Variants in NUCB2 observed in about 807,000 individuals in gnomAD.
The protein encoded by NUCB2 is nucleobindin 2.
In NUCB2, 48 loss-of-function variants were observed where a neutral mutation model predicts 57.9. The observed-to-expected ratio is 0.83, with a 90% CI of 0.66 to 1.05. NUCB2 has a LOEUF of 1.05. NUCB2 is among the 50% of genes least tolerant of loss of function. NUCB2 has a pLI of 0.00. For missense variants in NUCB2, 442 were observed against 476.2 expected, an observed-to-expected ratio of 0.93 and a Z score of 0.67; for synonymous variants, 139 against 152.1, an observed-to-expected ratio of 0.91 and a Z score of 0.64.
chr11:17,331,043 C>T, intron 13 of NUCB2, 60 bp downstream of exon 13: 2 of 1,038,264 alleles, frequency 1.9e-6, no homozygotes, highest in South Asian at 1.5e-5. Flanking sequence ...AATTGAAATC[C>T]ACATTTATTA....
At chr11:17,292,155 A>AT (rs1279714233) in intron 2 of NUCB2, among the ~76,000 whole-genome samples, 2 of 152,016 alleles carry the variant, frequency 1.3e-5, no homozygotes, top group African/African-American at 2.4e-5. Context: ...CTTATTTAAA[A>AT]TTTTTTTTAT....
At chr11:17,328,919 G>A (rs901698804) in intron 11 of NUCB2, among the ~76,000 whole-genome samples, 3 of 152,174 alleles carry the variant, frequency 2.0e-5, no homozygotes, top group Admixed American at 6.5e-5. Context: ...TCACCCCGAA[G>A]CCAGCATGTC....
At chr11:17,313,282 C>G (rs1948775151) in intron 10 of NUCB2, among the ~76,000 whole-genome samples, 1 of 151,940 alleles carries the variant, frequency 6.6e-6, no homozygotes, top group South Asian at 2.1e-4. Flanking sequence ...ATAATCCCAG[C>G]ACTTTGGGAG....
chr11:17,308,296 C>G (rs1399138755), intron 5 of NUCB2, among the ~76,000 whole-genome samples: 3 of 152,126 alleles, frequency 2.0e-5, no homozygotes, highest in Non-Finnish European at 4.4e-5. Flanking sequence ...ACGCTCCTTG[C>G]TACTGGAGTG....
chr11:17,343,072 CTTCT>C (rs1331929622), intron 2 of NUCB2, among the ~76,000 whole-genome samples: 2 of 151,794 alleles, frequency 1.3e-5, no homozygotes, highest in Middle Eastern at 3.4e-3. Context: ...ATGTAATGGC[CTTCT>C]TTGTCTCTTT....
chr11:17,324,599 A>T (rs563964467), intron 11 of NUCB2, among the ~76,000 whole-genome samples: 57 of 151,948 alleles, frequency 3.8e-4, no homozygotes, highest in African/African-American at 1.4e-3. Context: ...ACGCCCAGCT[A>T]ACTTCTGTAT....
chr11:17,336,749 G>A (rs1308373638), downstream of NUCB2, among the ~76,000 whole-genome samples: 7 of 69,340 alleles, frequency 1.0e-4, no homozygotes, highest in Admixed American at 1.1e-3. Flanking sequence ...GCGAGACTCC[G>A]TCTCAAAAAA....
intron 10 of NUCB2, 151 bp downstream of exon 10, chr11:17,312,271 G>A (rs1428051185): frequency 3.7e-6 from 2 of 542,434 alleles, no homozygotes; most frequent in South Asian, 2.7e-5. Context: ...GTCTTACTCT[G>A]TTGCCCAGGC....
chr11:17,291,545 C>CAAAA lies in NUCB2; in HGVS notation c.1-3767_1-3764dup, dbSNP rs61660913. On this transcript the variant is annotated intron_variant, in intron 2 of 13. Coordinates refer to ENST00000529010, the MANE Select transcript of NUCB2 (RefSeq NM_005013.4). ...TGGGTGGCAGAGTAAGACTCTGCAT[C>CAAAA]AAAAAAAAAAAAAAATCAGTCTTTT... is the stretch of plus-strand genomic sequence containing the variant. Among the ~76,000 whole-genome samples, 11 of 52,206 alleles carry CAAAA rather than the reference C, an allele frequency of 2.1e-4. 1 individual carries two copies. Among genetic ancestry groups the CAAAA allele is most frequent in the African/African-American group, 5.5e-4 (8 of 14,534 alleles). 34.2% of individuals were successfully genotyped at this position (52,206 alleles called of 152,430 possible).
At chr11:17,334,923 GT>G (rs1951684167), downstream of NUCB2, among the ~76,000 whole-genome samples, 1 of 149,738 alleles carries the variant, frequency 6.7e-6, no homozygotes, top group African/African-American at 2.5e-5. Context: ...CACCTCACAA[GT>G]TTACATTGTT....
chr11:17,282,209 T>C (rs1450326446), intron 1 of NUCB2, among the ~76,000 whole-genome samples: 1 of 77,550 alleles, frequency 1.3e-5, no homozygotes, highest in East Asian at 8.8e-4. Context: ...TCTATATATC[T>C]ATATCTATAT....
chr11:17,323,496 A>G (rs183441583), intron 11 of NUCB2, among the ~76,000 whole-genome samples: 2 of 152,294 alleles, frequency 1.3e-5, no homozygotes, highest in East Asian at 1.9e-4. Flanking sequence ...GTATTTTTGC[A>G]TTAATATCCA....
chr11:17,315,204 G>T (rs748733686), intron 10 of NUCB2, among the ~76,000 whole-genome samples, 182 bp from the exon 11 acceptor site: 2 of 152,102 alleles, frequency 1.3e-5, no homozygotes, highest in African/African-American at 2.4e-5. Context: ...TGTTTATTTT[G>T]TAATTCTAGT....
intron 1 of NUCB2, among the ~76,000 whole-genome samples, chr11:17,277,412 G>C (rs937232239): frequency 6.6e-6 from 1 of 152,180 alleles, no homozygotes; most frequent in East Asian, 1.9e-4. Flanking sequence ...TGGCAACTCA[G>C]TGAGCAAATA....
chr11:17,301,841 T>G lies in NUCB2; in HGVS notation c.350T>G (p.Leu117Ter). The G allele has an allele frequency of 6.2e-7, 1 of 1,613,706 alleles. No homozygotes were observed. Among genetic ancestry groups the G allele is most frequent in the South Asian group, 1.1e-5 (1 of 91,058 alleles). ...KRQEVGRLRM[L>*]IKAKLDSLQD... ...CAAGAAGTAGGAAGGTTAAGAATGT[T>G]AATTAAAGCTAAGTTGGATTCCCTT... The change falls in exon 5 of 14, where the codon TTA becomes TGA. Residue 117 changes from leucine to a stop codon, truncating the protein, a stop_gained. Coordinates refer to ENST00000529010, the MANE Select transcript of NUCB2 (RefSeq NM_005013.4). LOFTEE classifies it high-confidence loss of function.
In NUCB2 at chr11:17,311,886, G is replaced by A. The variant is rs1486997502; in HGVS notation, c.775G>A (p.Gly259Arg). ...FFKLHDVNSD[G>R]FLDEQELEAL... is the part of the protein sequence containing the mutation. ...TTAAACTTTAGATGTCAATAGTGAT[G>A]GATTCCTGGATGAACAAGAATTAGA... Residue 259 changes from glycine to arginine, a missense_variant, in exon 9 of 14, where the codon GGA becomes AGA. Coordinates refer to ENST00000529010, the MANE Select transcript of NUCB2 (RefSeq NM_005013.4). 2 of 1,592,912 alleles carry A rather than the reference G, an allele frequency of 1.3e-6. No individual in the cohort carries two copies. Among genetic ancestry groups the A allele is most frequent in the South Asian group, 1.1e-5 (1 of 87,144 alleles).
chr11:17,280,175 A>G (rs1485458808), intron 1 of NUCB2, among the ~76,000 whole-genome samples: 1 of 152,152 alleles, frequency 6.6e-6, no homozygotes, highest in Non-Finnish European at 1.5e-5. Flanking sequence ...AATTTTAATA[A>G]TATGTTTATT....
intron 11 of NUCB2, among the ~76,000 whole-genome samples, chr11:17,321,202 ATT>A (rs138165152): frequency 2.8e-5 from 4 of 143,962 alleles, no homozygotes; most frequent in Admixed American, 6.9e-5. Context: ...TATTCATTCT[ATT>A]TTTTTTTTTT....
chr11:17,289,970 C>T (rs1944646986), intron 2 of NUCB2, among the ~76,000 whole-genome samples: 1 of 152,040 alleles, frequency 6.6e-6, no homozygotes, highest in South Asian at 2.1e-4. Context: ...GCCTCATGTT[C>T]CTTGAGTTTT....
Sources: allele counts gnomAD v4.1 joint callset (sites outside exome capture counted in the v4.1 genomes callset), GRCh38; gene constraint gnomAD v4.1.1; transcripts MANE v1.5; gene names NCBI Gene and HGNC (gene_info 2026-07-23, HGNC 2026-07-21).